The following LRRFIP2 variants were observed in gnomAD, a reference collection of about 807,000 sequenced individuals.
LRRFIP2 encodes LRR binding FLII interacting protein 2.
LRRFIP2 carries 109 observed loss-of-function variants against 125.9 expected under a neutral mutation model. The ratio of observed to expected loss-of-function variants is 0.87; its 90% confidence interval spans 0.74 to 1.01. LRRFIP2 has a LOEUF of 1.01. Ranked by LOEUF, LRRFIP2 falls within the 50% of genes least tolerant of loss-of-function variation. The pLI, the probability that LRRFIP2 is intolerant of heterozygous loss-of-function variation, is 0.00. For synonymous variants in LRRFIP2, 291 were observed against 293.1 expected, an observed-to-expected ratio of 0.99 and a Z score of 0.07; for missense variants, 850 against 862.3, an observed-to-expected ratio of 0.99 and a Z score of 0.18.
chr3:37,174,915 A>T (rs1273755805), upstream of LRRFIP2: 1 of 152,194 alleles, frequency 6.6e-6, no homozygotes, highest in Non-Finnish European at 1.5e-5. Flanking sequence ...TGAAATTCTT[A>T]TTCTACATAT....
intron 2 of LRRFIP2, among the ~76,000 whole-genome samples, chr3:37,140,653 CAA>C (rs577510997): frequency 1.4e-4 from 9 of 62,222 alleles, no homozygotes; most frequent in Admixed American, 5.4e-4. Flanking sequence ...ATTCTGTCTC[CAA>C]AAAAAAAAAA....
chr3:37,161,338 A>C (rs770530176), intron 1 of LRRFIP2, among the ~76,000 whole-genome samples: 7 of 152,188 alleles, frequency 4.6e-5, no homozygotes, highest in Non-Finnish European at 1.0e-4. Flanking sequence ...CAGCCTGGGC[A>C]AAAAGCAAGA....
intron 23 of LRRFIP2, 49 bp downstream of exon 23, chr3:37,065,761 C>A (rs763162267): frequency 3.3e-5 from 54 of 1,613,256 alleles, no homozygotes; most frequent in Non-Finnish European, 4.4e-5. Flanking sequence ...AAGCAGAAAA[C>A]CCAATAGGGT....
At chr3:37,091,255 T>G in intron 18 of LRRFIP2, among the ~76,000 whole-genome samples, 1 of 152,274 alleles carries the variant, frequency 6.6e-6, no homozygotes, top group African/African-American at 2.4e-5. Flanking sequence ...AAATGATATC[T>G]TCTGCGGAAT....
At chr3:37,153,133 C>T (rs1421947386) in intron 1 of LRRFIP2, among the ~76,000 whole-genome samples, 3 of 152,118 alleles carry the variant, frequency 2.0e-5, no homozygotes, top group Non-Finnish European at 4.4e-5. Flanking sequence ...TGGTGGCTCA[C>T]ATCTAATAAT....
At chr3:37,067,505 G>A (rs1358758764) in intron 21 of LRRFIP2, 1 of 152,136 alleles carries the variant, frequency 6.6e-6, no homozygotes, top group Non-Finnish European at 1.5e-5. Flanking sequence ...AACTATATCA[G>A]GTAACTTTCC....
intron 1 of LRRFIP2, among the ~76,000 whole-genome samples, chr3:37,169,062 C>G (rs2096549188): frequency 6.6e-6 from 1 of 152,128 alleles, no homozygotes. Flanking sequence ...ACATGCTGCA[C>G]AAGTTTATGG....
chr3:37,167,987 AAATC>A (rs1560181079), intron 1 of LRRFIP2, among the ~76,000 whole-genome samples: 1 of 152,250 alleles, frequency 6.6e-6, no homozygotes, highest in Non-Finnish European at 1.5e-5. Context: ...ACATAAATAA[AAATC>A]AATCAATAAG....
chr3:37,153,633 C>A (rs1221429776), intron 1 of LRRFIP2, among the ~76,000 whole-genome samples: 1 of 152,080 alleles, frequency 6.6e-6, no homozygotes, highest in African/African-American at 2.4e-5. Context: ...TATTCCTGGA[C>A]CACAGATTTA....
intron 1 of LRRFIP2, among the ~76,000 whole-genome samples, chr3:37,150,096 G>T (rs1336987726): frequency 1.3e-5 from 2 of 152,116 alleles, no homozygotes; most frequent in African/African-American, 4.8e-5. Context: ...AACCAACACT[G>T]TCCATGTTGT....
At chr3:37,112,792 T>C in intron 8 of LRRFIP2, 123 bp downstream of exon 8, 1 of 555,546 alleles carries the variant, frequency 1.8e-6, no homozygotes, top group Non-Finnish European at 3.1e-6. Flanking sequence ...AAATTTCTGA[T>C]AAATCATGTT....
chr3:37,123,478 C>A (rs969884620), intron 4 of LRRFIP2, among the ~76,000 whole-genome samples: 1 of 152,206 alleles, frequency 6.6e-6, no homozygotes, highest in Non-Finnish European at 1.5e-5. Flanking sequence ...CATGAGCCAC[C>A]ATGCCTGGCC....
intron 8 of LRRFIP2, 59 bp from the exon 9 acceptor site, chr3:37,111,124 A>G: frequency 7.1e-7 from 1 of 1,402,512 alleles, no homozygotes. Flanking sequence ...ACCTAACAAC[A>G]CACAAAGGCA....
chr3:37,122,713 A>G (rs1162923996), intron 4 of LRRFIP2, among the ~76,000 whole-genome samples: 1 of 152,224 alleles, frequency 6.6e-6, no homozygotes, highest in Non-Finnish European at 1.5e-5. Flanking sequence ...TATATTTTAG[A>G]GTTGGTCAAG....
rs2091829620 is a variant in LRRFIP2, at chr3:37,075,028, A to G, written c.1367T>C (p.Ile456Thr). ...TCCCACAGTTCATGTACATACCTCA[A>G]TAAGCTCATCTCTTTGCCGCAGGCC... ...KEGLRQRDEL[I>T]EEKQRMQQKI... The change falls in exon 20 of 28, where the codon ATT becomes ACT. Residue 456 changes from isoleucine to threonine, a missense_variant. Coordinates refer to ENST00000336686, the MANE Select transcript of LRRFIP2 (RefSeq NM_006309.4). The G allele has an allele frequency of 1.2e-6, 2 of 1,609,878 alleles. No homozygotes were observed. Among genetic ancestry groups the G allele is most frequent in the African/African-American group, 1.3e-5 (1 of 74,834 alleles).
intron 1 of LRRFIP2, among the ~76,000 whole-genome samples, chr3:37,171,735 T>G (rs760379306): frequency 2.6e-5 from 4 of 152,246 alleles, no homozygotes; most frequent in Non-Finnish European, 5.9e-5. Flanking sequence ...GGAGGTAGAT[T>G]ATTTACTTCT....
intron 2 of LRRFIP2, among the ~76,000 whole-genome samples, chr3:37,142,147 A>AC (rs1452682301): frequency 7.0e-5 from 9 of 127,814 alleles, no homozygotes; most frequent in Admixed American, 1.5e-4. Context: ...CATTTTTCCT[A>AC]CTTTTTTTTT....
chr3:37,062,226 A>T (rs1261765330), intron 24 of LRRFIP2, among the ~76,000 whole-genome samples: 1 of 152,196 alleles, frequency 6.6e-6, no homozygotes, highest in Non-Finnish European at 1.5e-5. Flanking sequence ...ATATCATATA[A>T]TATTGTCTGA....
At chr3:37,062,885 C>T (rs1233590549) in intron 24 of LRRFIP2, among the ~76,000 whole-genome samples, 2 of 151,920 alleles carry the variant, frequency 1.3e-5, no homozygotes, top group East Asian at 1.9e-4. Context: ...CATGAGACAC[C>T]GGAAAAAGGG....
Sources: gnomAD v4.1 joint callset for allele counts (sites outside exome capture counted in the v4.1 genomes callset) on GRCh38, gnomAD v4.1.1 for gene constraint, MANE v1.5 for transcripts, NCBI Gene and HGNC (gene_info 2026-07-23, HGNC 2026-07-21) for gene names.